Variants in NLGN4X observed in about 807,000 individuals in gnomAD.
NLGN4X encodes neuroligin 4 X-linked.
NLGN4X carries 3 observed loss-of-function variants against 40.3 expected under a neutral mutation model. The ratio of observed to expected loss-of-function variants is 0.07; its 90% CI spans 0.03 to 0.19. The LOEUF is 0.19. Among genes scored for constraint, NLGN4X ranks in the 10% least tolerant of loss-of-function variants. NLGN4X has a pLI of 1.00. For synonymous variants in NLGN4X, 270 were observed against 306.8 expected, an observed-to-expected ratio of 0.88 and a Z score of 1.25; for missense variants, 382 against 708.3, an observed-to-expected ratio of 0.54 and a Z score of 5.23.
At chrX:6,112,359 T>C (rs923646424) in intron 2 of NLGN4X, among the ~76,000 whole-genome samples, 47 of 110,936 alleles carry the variant, frequency 4.2e-4, no homozygotes, top group African/African-American at 1.5e-3. Flanking sequence ...AAAAGTTACG[T>C]AAACACAAAA....
chrX:5,938,365 C>T (rs780053664), intron 3 of NLGN4X, among the ~76,000 whole-genome samples: 63 of 110,951 alleles, frequency 5.7e-4, no homozygotes, highest in Middle Eastern at 9.3e-3. Context: ...GGATCAAAGG[C>T]CATGGGTCGG....
chrX:6,045,847 A>G (rs2037303809), intron 2 of NLGN4X, among the ~76,000 whole-genome samples: 1 of 111,466 alleles, frequency 9.0e-6, no homozygotes, highest in African/African-American at 3.3e-5. Context: ...TACAGACTCG[A>G]AGCCTATATG....
chrX:5,971,220 C>A (rs1476964450), intron 3 of NLGN4X, among the ~76,000 whole-genome samples: 1 of 111,264 alleles, frequency 9.0e-6, no homozygotes, highest in Non-Finnish European at 1.9e-5. Context: ...GCATGTTGAA[C>A]AATGACATTT....
At chrX:6,044,522 G>T (rs1298829468) in intron 2 of NLGN4X, among the ~76,000 whole-genome samples, 1 of 111,674 alleles carries the variant, frequency 9.0e-6, no homozygotes, top group Non-Finnish European at 1.9e-5. Context: ...AATTGTGGAG[G>T]TTTTTTTATG....
rs35006258 is a variant in NLGN4X at position 6,030,394 on chromosome X, A to ATGTGTGTGTGTGTGTGTGTGTGTGTGTG, written c.473-990_473-963dup. ...CGTATAAATATTTCTGGATACAGAT[A>ATGTGTGTGTGTGTGTGTGTGTGTGTGTG]TGTGTGTGTGTGTGTGTGTGTGTGT... On this transcript the variant is annotated intron_variant, in intron 2 of 5. Transcript: ENST00000381095. Among the ~76,000 whole-genome samples, 385 of 100,116 alleles carry ATGTGTGTGTGTGTGTGTGTGTGTGTGTG rather than the reference A, an allele frequency of 3.8e-3. 2 individuals carry two copies. The highest frequency in any genetic ancestry group is 0.013 in the African/African-American group (358 of 26,782). The allele number at this position is 100,116 out of a possible 115,157, so 86.9% of individuals were successfully genotyped here.
At chrX:5,991,065 C>T (rs985675382) in intron 3 of NLGN4X, among the ~76,000 whole-genome samples, 3 of 111,472 alleles carry the variant, frequency 2.7e-5, no homozygotes, top group African/African-American at 9.8e-5. Context: ...CCTGAAACAA[C>T]AAGTCTAAGA....
chrX:5,902,892 G>T (rs1217078823), intron 5 of NLGN4X, among the ~76,000 whole-genome samples, 185 bp downstream of exon 5: 1 of 112,325 alleles, frequency 8.9e-6, no homozygotes, highest in East Asian at 2.8e-4. Flanking sequence ...TGCCATAGAT[G>T]TTGGGGGAGA....
intron 3 of NLGN4X, among the ~76,000 whole-genome samples, chrX:6,026,062 T>G (rs776364998): frequency 7.2e-5 from 8 of 110,488 alleles, no homozygotes; most frequent in African/African-American, 2.3e-4. Context: ...AAGGAAAGAG[T>G]CTGAGGAAAC....
At chrX:6,209,362 T>G (rs1187956942) in intron 1 of NLGN4X, among the ~76,000 whole-genome samples, 1 of 111,781 alleles carries the variant, frequency 8.9e-6, no homozygotes, top group Non-Finnish European at 1.9e-5. Context: ...AAAACAGCAC[T>G]TGTGCCCGTT....
intron 3 of NLGN4X, among the ~76,000 whole-genome samples, chrX:5,982,911 G>A (rs1030453343): frequency 2.7e-5 from 3 of 111,924 alleles, no homozygotes; most frequent in East Asian, 5.7e-4. Flanking sequence ...ACACACTGAC[G>A]ACCAAATGAT....
intron 2 of NLGN4X, among the ~76,000 whole-genome samples, chrX:6,115,397 T>G (rs775267005): frequency 8.1e-5 from 9 of 111,771 alleles, no homozygotes; most frequent in African/African-American, 2.9e-4. Context: ...TGGACACATT[T>G]CTCTAACGAA....
intron 1 of NLGN4X, among the ~76,000 whole-genome samples, chrX:6,173,927 G>T (rs2040663921): frequency 9.0e-6 from 1 of 111,075 alleles, no homozygotes; most frequent in African/African-American, 3.3e-5. Flanking sequence ...CAGGCATGGT[G>T]GTGGGCACCT....
At chrX:6,069,865 C>T (rs911104862) in intron 2 of NLGN4X, among the ~76,000 whole-genome samples, 2 of 111,782 alleles carry the variant, frequency 1.8e-5, no homozygotes, top group South Asian at 7.5e-4. Context: ...GCATCTTAAG[C>T]GTCTCAAATA....
chrX:6,208,393 C>T (rs1302201290), intron 1 of NLGN4X, among the ~76,000 whole-genome samples: 4 of 112,260 alleles, frequency 3.6e-5, no homozygotes, highest in Non-Finnish European at 5.6e-5. Flanking sequence ...CACCTCCTTT[C>T]GGATAACGTG....
chrX:6,107,276 TA>T (rs1254496855), intron 2 of NLGN4X, among the ~76,000 whole-genome samples: 1 of 111,772 alleles, frequency 8.9e-6, no homozygotes, highest in Non-Finnish European at 1.9e-5. Context: ...CCTCACTTCA[TA>T]CCTGCAAACT....
intron 3 of NLGN4X, among the ~76,000 whole-genome samples, chrX:6,020,150 A>T (rs2036495144): frequency 8.9e-6 from 1 of 111,913 alleles, no homozygotes; most frequent in Admixed American, 9.5e-5. Flanking sequence ...CTGCACTCCC[A>T]TGTTCATTGC....
At chrX:6,093,373 A>C (rs2038686678) in intron 2 of NLGN4X, among the ~76,000 whole-genome samples, 1 of 112,309 alleles carries the variant, frequency 8.9e-6, no homozygotes, top group Admixed American at 9.5e-5. Flanking sequence ...TCTAGAATGG[A>C]GCTAAGGTCT....
In NLGN4X at chrX:6,044,778, C is replaced by T. The variant is rs1423524332; in HGVS notation, c.473-15346G>A. ...TATGGGGGCAGGGGATATATGAGAACTCTCTGTACGTTCCCCTCTATTTTG... is the reference window on the plus strand; with the variant it reads ...TATGGGGGCAGGGGATATATGAGAATTCTCTGTACGTTCCCCTCTATTTTG... On this transcript the variant is annotated intron_variant, in intron 2 of 5. Coordinates refer to ENST00000381095, the MANE Select transcript of NLGN4X (RefSeq NM_181332.3). Among the ~76,000 whole-genome samples the T allele has an allele frequency of 1.8e-5, 2 of 111,916 alleles. 1 individual carries two copies. Among genetic ancestry groups the T allele is most frequent in the Middle Eastern group, 8.3e-3 (2 of 240 alleles).
intron 5 of NLGN4X, among the ~76,000 whole-genome samples, chrX:5,900,581 TTTTTTTTTA>T (rs1318096545): frequency 1.3e-4 from 9 of 71,021 alleles, no homozygotes; most frequent in Non-Finnish European, 1.7e-4. Context: ...TTTTTTTTTT[TTTTTTTTTA>T]AAGATAAAGG....
Sources: allele counts gnomAD v4.1 joint callset (sites outside exome capture counted in the v4.1 genomes callset), GRCh38; gene constraint gnomAD v4.1.1; transcripts MANE v1.5; gene names NCBI Gene and HGNC (gene_info 2026-07-23, HGNC 2026-07-21).